The following NLGN1 variants were observed in gnomAD, a reference collection of about 807,000 sequenced individuals.
NLGN1 encodes neuroligin-1.
Under a neutral mutation model 65.5 loss-of-function variants are expected in NLGN1, and 12 were observed. The observed-to-expected ratio is 0.18, with a 90% confidence interval of 0.12 to 0.30. NLGN1 has a LOEUF of 0.30. Among genes scored for constraint, NLGN1 ranks in the 10% least tolerant of loss-of-function variants. The pLI is 1.00. For missense variants in NLGN1, 750 were observed against 1,007.1 expected (o/e 0.74, Z 3.46); for synonymous variants, 350 against 359.5 (o/e 0.97, Z 0.30).
In NLGN1 at chr3:174,068,407, G is replaced by A. The variant is rs112046553; in HGVS notation, c.647-206908G>A. On this transcript the variant is annotated intron_variant, in intron 4 of 6. Transcript: ENST00000457714. ...AGAGCCCCAGAATGCTTAGGCAGAG[G>A]GGGCAGCCAGCCATAGGCTGAAGTT... Among the ~76,000 whole-genome samples the A allele has an allele frequency of 2.7e-3, 413 of 152,050 alleles. 3 individuals are homozygous for A. Among genetic ancestry groups the A allele is most frequent in the African/African-American group, 9.5e-3 (395 of 41,502 alleles).
intron 4 of NLGN1, among the ~76,000 whole-genome samples, chr3:174,006,856 G>A (rs1364565623): frequency 6.6e-6 from 1 of 152,018 alleles, no homozygotes; most frequent in Non-Finnish European, 1.5e-5. Context: ...ATCAGTTGGG[G>A]TCAGGAGTTC....
intron 4 of NLGN1, among the ~76,000 whole-genome samples, chr3:173,955,357 A>G (rs1434084301): frequency 6.6e-6 from 1 of 152,170 alleles, no homozygotes; most frequent in East Asian, 1.9e-4. Flanking sequence ...CATTTAGCAA[A>G]GGTTCCCAAA....
chr3:173,791,867 C>G (rs1289881513), intron 3 of NLGN1, among the ~76,000 whole-genome samples: 2 of 152,052 alleles, frequency 1.3e-5, no homozygotes, highest in African/African-American at 4.8e-5. Flanking sequence ...TGTTTCTTCA[C>G]CTGTGAAATG....
At chr3:174,169,922 G>A (rs1464882611) in intron 4 of NLGN1, among the ~76,000 whole-genome samples, 1 of 152,138 alleles carries the variant, frequency 6.6e-6, no homozygotes, top group Non-Finnish European at 1.5e-5. Context: ...CAGGGCTTGG[G>A]AGAGGCAAAG....
chr3:174,286,058 G>A (rs1254297731), exon 7 of NLGN1: 1 of 151,260 alleles, frequency 6.6e-6, no homozygotes, highest in Non-Finnish European at 1.5e-5. Flanking sequence ...TGTCCAAATA[G>A]TAAGTTTAAT....
chr3:173,921,036 T>C (rs186943754), intron 4 of NLGN1, among the ~76,000 whole-genome samples: 62 of 151,836 alleles, frequency 4.1e-4, no homozygotes, highest in South Asian at 8.3e-4. Context: ...CCAACTTACT[T>C]TTTAAGATGC....
chr3:173,921,287 ATATATAT>A (rs1579201431), intron 4 of NLGN1, among the ~76,000 whole-genome samples: 2 of 147,730 alleles, frequency 1.4e-5, no homozygotes, highest in African/African-American at 4.9e-5. Flanking sequence ...TATACATTTA[ATATATAT>A]TATATATTTC....
At chr3:174,005,475 T>C (rs1180536515) in intron 4 of NLGN1, among the ~76,000 whole-genome samples, 1 of 152,184 alleles carries the variant, frequency 6.6e-6, no homozygotes, top group Non-Finnish European at 1.5e-5. Flanking sequence ...TATATGACTC[T>C]GTCATGTAGG....
intron 4 of NLGN1, among the ~76,000 whole-genome samples, chr3:174,187,688 T>C (rs1421432): frequency 0.78 from 118,688 of 151,980 alleles, 46,598 homozygotes; most frequent in African/African-American, 0.86. Flanking sequence ...TTATGTTTAT[T>C]GAAACATTGT....
chr3:173,835,609 A>T (rs1396837603), intron 4 of NLGN1, among the ~76,000 whole-genome samples: 2 of 151,234 alleles, frequency 1.3e-5, no homozygotes, highest in East Asian at 1.9e-4. Flanking sequence ...ACACACACAC[A>T]CTTTTTCTCT....
At chr3:173,455,414 A>G (rs73036248) in intron 2 of NLGN1, among the ~76,000 whole-genome samples, 29,151 of 152,096 alleles carry the variant, frequency 0.19, 3,047 homozygotes, top group African/African-American at 0.27. Flanking sequence ...TAATAGGCCT[A>G]CCTCCAACAT....
intron 4 of NLGN1, among the ~76,000 whole-genome samples, chr3:174,224,052 A>G (rs561679008): frequency 2.6e-5 from 4 of 152,188 alleles, no homozygotes; most frequent in Admixed American, 6.5e-5. Context: ...AGTTCTGCTT[A>G]TCTCTTTTCT....
chr3:173,995,847 G>A (rs545023478), intron 4 of NLGN1, among the ~76,000 whole-genome samples: 216 of 151,262 alleles, frequency 1.4e-3, no homozygotes, highest in Non-Finnish European at 2.5e-3. Flanking sequence ...TACCATACTC[G>A]GCTAATTTTT....
At chr3:173,797,702 A>C (rs59884258) in intron 3 of NLGN1, among the ~76,000 whole-genome samples, 10 of 151,472 alleles carry the variant, frequency 6.6e-5, no homozygotes, top group South Asian at 6.2e-4. Flanking sequence ...ACAACAACAA[A>C]AAAAAACAAG....
chr3:173,635,828 T>A (rs1254128879), intron 3 of NLGN1, among the ~76,000 whole-genome samples: 1 of 152,134 alleles, frequency 6.6e-6, no homozygotes, highest in Admixed American at 6.6e-5. Flanking sequence ...GGATAAAACA[T>A]TTCTGAAAGG....
chr3:173,929,677 C>CT (rs558717850), intron 4 of NLGN1, among the ~76,000 whole-genome samples: 181 of 144,766 alleles, frequency 1.3e-3, no homozygotes, highest in African/African-American at 3.8e-3. Context: ...ACCCAATAAG[C>CT]TTTTTTTTTT....
At chr3:174,127,951 G>A (rs1719309897) in intron 4 of NLGN1, among the ~76,000 whole-genome samples, 1 of 152,132 alleles carries the variant, frequency 6.6e-6, no homozygotes, top group South Asian at 2.1e-4. Context: ...ACAAAAAGCT[G>A]TGTACAGAAG....
chr3:174,266,509 C>T (rs1748277084), intron 4 of NLGN1, among the ~76,000 whole-genome samples: 1 of 152,058 alleles, frequency 6.6e-6, no homozygotes, highest in Non-Finnish European at 1.5e-5. Flanking sequence ...AATAGTGCTG[C>T]AATGAACATA....
In NLGN1 at chr3:173,791,724, C is replaced by T. The variant is rs193220938; in HGVS notation, c.494-15956C>T. On this transcript the variant is annotated intron_variant, in intron 3 of 6. Coordinates refer to ENST00000457714, the Ensembl canonical transcript of NLGN1. ...CACACCCAATTTTTCCTTTTCTCTG[C>T]TTGTCTTTATTGCTATGTGACTTAT... is the stretch of plus-strand genomic sequence containing the variant. 1.9e-4 allele frequency among the ~76,000 whole-genome samples: 29 copies of T among 152,118 alleles called. 1 individual carries two copies. The highest frequency in any genetic ancestry group is 1.3e-3 in the Admixed American group (20 of 15,246).
Sources: allele counts gnomAD v4.1 joint callset (sites outside exome capture counted in the v4.1 genomes callset), GRCh38; gene constraint gnomAD v4.1.1; transcripts MANE v1.5; gene names NCBI Gene and HGNC (gene_info 2026-07-23, HGNC 2026-07-21).